KLHL41: variants seen among roughly 807,000 people sequenced by gnomAD.
KLHL41 encodes the protein kelch-like protein 41.
Under a neutral mutation model 49.2 loss-of-function variants are expected in KLHL41, and 31 were observed. The observed-to-expected ratio is 0.63, with a 90% CI of 0.47 to 0.85. KLHL41 has a LOEUF of 0.85. Among genes scored for constraint, KLHL41 ranks in the 40% least tolerant of loss-of-function variants. The pLI, the probability that KLHL41 is intolerant of heterozygous loss-of-function variation, is 0.00. For synonymous variants in KLHL41, 218 were observed against 258.5 expected (o/e 0.84, Z 1.50); for missense variants, 663 against 726.7 (o/e 0.91, Z 1.01).
At chr2:169,520,304 GTGTGTGTA>G (rs1370490427) in intron 4 of KLHL41, among the ~76,000 whole-genome samples, 5 of 114,868 alleles carry the variant, frequency 4.4e-5, no homozygotes, top group African/African-American at 1.4e-4. Context: ...GTGTGTGTGT[GTGTGTGTA>G]TGTGTGTGTG....
chr2:169,522,819 T>C (rs1684222229), intron 5 of KLHL41, among the ~76,000 whole-genome samples: 1 of 140,296 alleles, frequency 7.1e-6, no homozygotes, highest in Non-Finnish European at 1.5e-5. Context: ...AGCTCCTGGG[T>C]TCAAGCGATT....
At chr2:169,522,235 C>G (rs1249533864) in intron 5 of KLHL41, among the ~76,000 whole-genome samples, 1 of 152,150 alleles carries the variant, frequency 6.6e-6, no homozygotes, top group African/African-American at 2.4e-5. Context: ...AGATGCTGAA[C>G]TAAAAAGGCT....
At chr2:169,517,041 T>G (rs759908716) in intron 3 of KLHL41, among the ~76,000 whole-genome samples, 8 of 151,822 alleles carry the variant, frequency 5.3e-5, no homozygotes, top group Non-Finnish European at 1.2e-4. Context: ...TAAAAGTAAG[T>G]GCTGAATTGC....
rs1684143495 is a variant in KLHL41 at position 169,518,182 on chromosome 2, G to T, written c.1377-8G>T. On this transcript the variant is annotated splice_region_variant and splice_polypyrimidine_tract_variant and intron_variant, in intron 3 of 5. Transcript: ENST00000284669. ...TTCTAAAAGGAACATTTGTTTTTCT[G>T]TTTACAGAAAATGTACAAACAGGGT... 6.2e-7 allele frequency: 1 copy of T among 1,601,398 alleles called. No homozygotes were observed. The highest frequency in any genetic ancestry group is 1.7e-5 in the Admixed American group (1 of 57,794).
chr2:169,517,770 G>A (rs1684138102), intron 3 of KLHL41, among the ~76,000 whole-genome samples: 1 of 152,070 alleles, frequency 6.6e-6, no homozygotes. Context: ...TTTAAAGTAG[G>A]TATATTTGCA....
At chr2:169,525,463 G>A (rs1195985230) in intron 5 of KLHL41, 122 bp from the exon 6 acceptor site, 1 of 634,424 alleles carries the variant, frequency 1.6e-6, no homozygotes, top group African/African-American at 1.8e-5. Flanking sequence ...TACCAGGCAG[G>A]TGCATCTTCT....
At chr2:169,519,851 G>A (rs1038752009) in intron 4 of KLHL41, among the ~76,000 whole-genome samples, 3 of 151,864 alleles carry the variant, frequency 2.0e-5, no homozygotes, top group African/African-American at 7.3e-5. Context: ...ACCTAGGCCT[G>A]CCAAAGTGCT....
intron 4 of KLHL41, among the ~76,000 whole-genome samples, chr2:169,519,705 C>T (rs1395245957): frequency 6.9e-6 from 1 of 145,498 alleles, no homozygotes; most frequent in Non-Finnish European, 1.5e-5. Context: ...GGCTGGAGTA[C>T]AGATTTTCTA....
chr2:169,514,014 G>A (rs557895845), intron 1 of KLHL41, among the ~76,000 whole-genome samples: 1 of 152,234 alleles, frequency 6.6e-6, no homozygotes, highest in South Asian at 2.1e-4. Flanking sequence ...ACGCCTGCCT[G>A]TATCAGGAAT....
rs1684018002 is a variant in KLHL41 at position 169,510,664 on chromosome 2, C to G, written c.886C>G (p.Pro296Ala). The change falls in exon 1 of 6, where the codon CCC (proline) becomes GCC (alanine). Residue 296 changes from proline (P) to alanine (A), a missense_variant. Transcript: ENST00000284669. The surrounding 1 kb of genome is among the most constrained non-coding windows in gnomAD (Gnocchi z 4.2). ...DLLPGYLNDI[P>A]RHGMFVKDLI... ...ACTTCCTGGTTACCTGAATGACATT[C>G]CCAGGCATGGAATGTTTGTAAAAGA... The G allele has an allele frequency of 2.5e-6, 4 of 1,614,098 alleles. No individual in the cohort carries two copies. The South Asian group carries it at 4.4e-5, about 18-fold the overall frequency.
Position 169,509,818 on chromosome 2 carries a change from T to C in KLHL41, c.40T>C (p.Tyr14His). 1 of 1,613,562 alleles carries C rather than the reference T, an allele frequency of 6.2e-7. No homozygotes were observed. Residue 14 changes from tyrosine (Y) to histidine (H), a missense_variant, in exon 1 of 6, where the codon TAC becomes CAC. Around this residue, in one of 3 missense-constraint regions of KLHL41, gnomAD observed 129 missense variants for 122.1 expected, o/e 1.06. Transcript: ENST00000284669. ...GGAACTTGCAGAGGAACTGCGGCTTTACCAATCCACCCTTCTTCAGGATGG... is the reference window on the plus strand; with the variant it reads ...GGAACTTGCAGAGGAACTGCGGCTTCACCAATCCACCCTTCTTCAGGATGG... Reference protein sequence around the residue: ...QRELAEELRLYQSTLLQDGLK... With the variant: ...QRELAEELRLHQSTLLQDGLK...
chr2:169,510,242 G>A lies in KLHL41; in HGVS notation c.464G>A (p.Arg155His), dbSNP rs140948035. 1.6e-5 allele frequency: 26 copies of A among 1,613,880 alleles called. 1 individual carries two copies. The highest frequency in any genetic ancestry group is 5.0e-5 in the Admixed American group (3 of 60,008). The change falls in exon 1 of 6, where the codon CGT (arginine) becomes CAT (histidine). Residue 155 changes from arginine (R) to histidine (H), a missense_variant. Physicochemically the swap from Arg to His is conservative, Grantham distance 29. Around this residue, in one of 3 missense-constraint regions of KLHL41, gnomAD observed 528 missense variants for 581.0 expected, o/e 0.91. Coordinates refer to ENST00000284669, the MANE Select transcript of KLHL41 (RefSeq NM_006063.3). This position sits in a 1 kb window ranked among gnomAD's most constrained non-coding sequence, Gnocchi z 4.2. ...LDCPRLAISAREFVSDRFVQI... is the reference protein window; with the variant it reads ...LDCPRLAISAHEFVSDRFVQI... ...TGCCCGAGACTCGCCATTTCTGCCC[G>A]TGAATTTGTGTCTGATCGCTTTGTA...
At chr2:169,515,035 CTTTT>C (rs373207430) in intron 3 of KLHL41, 74 bp downstream of exon 3, 139 of 640,852 alleles carry the variant, frequency 2.2e-4, no homozygotes, top group South Asian at 2.8e-4. Context: ...CTTTTCTTTT[CTTTT>C]TTTTTTTTTT....
chr2:169,523,813 G>A (rs1684241484), intron 5 of KLHL41, among the ~76,000 whole-genome samples: 1 of 152,172 alleles, frequency 6.6e-6, no homozygotes, highest in African/African-American at 2.4e-5. Flanking sequence ...TAGAAACTCT[G>A]GGGGTGATAG....
Position 169,520,859 on chromosome 2 carries a change from A to G in KLHL41, c.1563-2A>G. The G allele has an allele frequency of 6.2e-7, 1 of 1,603,404 alleles. No individual in the cohort carries two copies. Among genetic ancestry groups the G allele is most frequent in the East Asian group, 2.2e-5 (1 of 44,830 alleles). On this transcript the variant is annotated splice_acceptor_variant, in intron 4 of 5. Transcript: ENST00000284669. LOFTEE classifies it high-confidence loss of function. Reference sequence around the variant, plus strand: ...ATTGACTATATTTTTAATGATACCTAGATGGGATGTAATGACCGAATTTCC... The same window carrying G: ...ATTGACTATATTTTTAATGATACCTGGATGGGATGTAATGACCGAATTTCC...
intron 4 of KLHL41, among the ~76,000 whole-genome samples, chr2:169,519,863 G>A (rs1373977878): frequency 6.6e-6 from 1 of 152,028 alleles, no homozygotes; most frequent in African/African-American, 2.4e-5. Context: ...CAAAGTGCTA[G>A]GATTACAGGC....
chr2:169,525,673 C>G lies in KLHL41; in HGVS notation c.1798C>G (p.Leu600Val), dbSNP rs1188177229. 4.4e-6 allele frequency: 7 copies of G among 1,607,440 alleles called. No homozygotes were observed. Among genetic ancestry groups the G allele is most frequent in the Non-Finnish European group, 1.7e-6 (2 of 1,174,058 alleles). Residue 600 changes from leucine to valine, a missense_variant, in exon 6 of 6, where the codon CTC becomes GTC. Around this residue, in one of 3 missense-constraint regions of KLHL41, gnomAD observed 528 missense variants for 581.0 expected, o/e 0.91. Transcript: ENST00000284669. ...TAGTTGCCTAGCAACACGTTTAAAT[C>G]TCTTCAAACTGTCTAAACTGTGAAC... Reference protein sequence around the residue: ...GASCLATRLNLFKLSKL With the variant: ...GASCLATRLNVFKLSKL
At position 169,514,666 on chromosome 2, in the gene KLHL41, T is replaced by C; in HGVS notation, c.1203T>C (p.Tyr401=). 2 of 1,614,122 alleles carry C rather than the reference T, an allele frequency of 1.2e-6. No individual in the cohort carries two copies. Among genetic ancestry groups the C allele is most frequent in the Non-Finnish European group, 8.5e-7 (1 of 1,179,972 alleles). ...FGLGEVDDKI[Y]VVAGKDLQTE... is the part of the protein sequence containing the mutation. ...TGGGAGAGGTGGATGATAAAATCTATGTAGTTGCAGGCAAAGACCTTCAAA... is the reference window on the plus strand; with the variant it reads ...TGGGAGAGGTGGATGATAAAATCTACGTAGTTGCAGGCAAAGACCTTCAAA... Residue 401 remains tyrosine (Y), a synonymous_variant, in exon 2 of 6, where the codon TAT becomes TAC. Transcript: ENST00000284669.
At chr2:169,512,638 A>T (rs1684045861) in intron 1 of KLHL41, among the ~76,000 whole-genome samples, 1 of 152,114 alleles carries the variant, frequency 6.6e-6, no homozygotes, top group African/African-American at 2.4e-5. Context: ...ATTAACAATA[A>T]CAGTTATACA....
Sources: gnomAD v4.1 joint callset for allele counts (sites outside exome capture counted in the v4.1 genomes callset) on GRCh38, gnomAD v4.1.1 for gene constraint, gnomAD v4.1.1 regional missense constraint, Gnocchi (gnomAD v3.1) non-coding constraint, MANE v1.5 for transcripts, NCBI Gene and HGNC (gene_info 2026-07-23, HGNC 2026-07-21) for gene names.